Variants in SSUH2 observed in about 807,000 individuals in gnomAD.
The protein encoded by SSUH2 is protein SSUH2 homolog.
Under a neutral mutation model 55.3 loss-of-function variants are expected in SSUH2, and 47 were observed. The ratio of observed to expected loss-of-function variants is 0.85; its 90% CI spans 0.67 to 1.08. The LOEUF (loss-of-function observed/expected upper bound fraction) is 1.08, where lower values mean the gene tolerates loss of function less well. Ranked by LOEUF, SSUH2 falls within the 50% of genes least tolerant of loss-of-function variation. SSUH2 has a pLI of 0.00. For missense variants in SSUH2, 535 were observed against 490.7 expected, an observed-to-expected ratio of 1.09 and a Z score of -0.85; for synonymous variants, 212 against 191.5, an observed-to-expected ratio of 1.11 and a Z score of -0.89.
chr3:8,670,465 A>G (rs1332421930), intron 5 of SSUH2, among the ~76,000 whole-genome samples: 1 of 152,036 alleles, frequency 6.6e-6, no homozygotes, highest in Non-Finnish European at 1.5e-5. Flanking sequence ...GTGTCCACAC[A>G]TGGTGTACAC....
At chr3:8,656,862 G>T (rs201562607) in intron 7 of SSUH2, among the ~76,000 whole-genome samples, 2 of 149,936 alleles carry the variant, frequency 1.3e-5, no homozygotes, top group African/African-American at 4.9e-5. Flanking sequence ...TTCATTTTTT[G>T]GTTTGTTTGT....
At chr3:8,646,998 T>C (rs960095115), upstream of SSUH2, among the ~76,000 whole-genome samples, 6 of 152,224 alleles carry the variant, frequency 3.9e-5, no homozygotes, top group Admixed American at 6.5e-5. Flanking sequence ...ACTCTATCAA[T>C]TGATTGCTGT....
chr3:8,677,022 C>T (rs563541402), intron 3 of SSUH2, among the ~76,000 whole-genome samples: 3 of 146,048 alleles, frequency 2.1e-5, no homozygotes, highest in Non-Finnish European at 4.5e-5. Context: ...ACCTCCATCG[C>T]GGTGGGGGGA....
In SSUH2 at chr3:8,625,574, C is replaced by T; in HGVS notation, c.841G>A (p.Gly281Arg). 6.2e-7 allele frequency: 1 copy of T among 1,613,916 alleles called. No homozygotes were observed. Among genetic ancestry groups the T allele is most frequent in the African/African-American group, 1.3e-5 (1 of 75,048 alleles). The change falls in exon 10 of 12, where the codon GGA (glycine) becomes AGA (arginine). Residue 281 changes from glycine (G) to arginine (R), a missense_variant. Gly to Arg is a moderately radical substitution (Grantham distance 125, BLOSUM62 -2). Coordinates refer to ENST00000544814, the MANE Select transcript of SSUH2 (RefSeq NM_001256748.3). The stretch of plus-strand genomic sequence containing the variant: ...TTTTCATCCTTAAAGAGGTTTTCTC[C>T]TTTGGCTTTAGCAAGGAGCTCCCTG... ...CPRELLAKAK[G>R]ENLFKDENSV... is the part of the protein sequence containing the mutation.
intron 4 of SSUH2, 131 bp downstream of exon 4, chr3:8,633,535 C>T: frequency 1.6e-6 from 1 of 643,630 alleles, no homozygotes; most frequent in Non-Finnish European, 2.4e-6. Flanking sequence ...ATCACCACCG[C>T]TCACACTCAA....
In SSUH2 at chr3:8,679,012, C is replaced by G. The variant is rs181708363; in HGVS notation, c.-901+693G>C. Among the ~76,000 whole-genome samples, 562 of 111,134 alleles carry G rather than the reference C, an allele frequency of 5.1e-3. 121 individuals are homozygous for G. The East Asian group carries it at 0.064, about 13-fold the overall frequency. The allele number at this position is 111,134 out of a possible 152,430, so 72.9% of individuals were successfully genotyped here. On this transcript the variant is annotated intron_variant, in intron 2 of 18. Coordinates refer to the SSUH2 transcript ENST00000317371. Reference sequence around the variant, plus strand: ...CCGCGAGGTGGGGACTGAGAGCCAGCCCCTCTTCCCCCCCTGGCTCTTAGG... The same window carrying G: ...CCGCGAGGTGGGGACTGAGAGCCAGGCCCTCTTCCCCCCCTGGCTCTTAGG...
At chr3:8,680,684 C>T (rs1350905219) in intron 1 of SSUH2, among the ~76,000 whole-genome samples, 3 of 151,966 alleles carry the variant, frequency 2.0e-5, no homozygotes, top group African/African-American at 7.3e-5. Context: ...CACTTTCTGC[C>T]ATACATGAAG....
At chr3:8,665,412 C>G (rs1412783638) in intron 5 of SSUH2, among the ~76,000 whole-genome samples, 2 of 152,144 alleles carry the variant, frequency 1.3e-5, no homozygotes, top group Non-Finnish European at 2.9e-5. Context: ...AGTCTGTTGA[C>G]ACAGGGAGAG....
At chr3:8,626,175 G>A (rs1559300087) in intron 9 of SSUH2, 54 bp downstream of exon 9, 2 of 1,457,428 alleles carry the variant, frequency 1.4e-6, no homozygotes, top group Non-Finnish European at 1.9e-6. Context: ...CCAGTCCAGG[G>A]CTAAGTCCCT....
chr3:8,619,797 C>T lies in SSUH2; in HGVS notation c.*71G>A. The T allele has an allele frequency of 6.5e-7, 1 of 1,528,756 alleles. No individual in the cohort carries two copies. The highest frequency in any genetic ancestry group is 8.9e-7 in the Non-Finnish European group (1 of 1,123,468). 94.7% of individuals were successfully genotyped at this position (1,528,756 alleles called of 1,614,324 possible). A position where few individuals can be genotyped will look rare whatever the true frequency, so the allele number is the denominator to read the frequency against. ...ATTGTCCAATGCAGCCAACAGTGAACACACTCAGAGAGTGTCGGCCATCTT... is the reference window on the plus strand; with the variant it reads ...ATTGTCCAATGCAGCCAACAGTGAATACACTCAGAGAGTGTCGGCCATCTT... On this transcript the variant is annotated 3_prime_UTR_variant, in exon 12 of 12. Transcript: ENST00000544814.
chr3:8,623,897 C>T (rs1393963723), intron 10 of SSUH2, among the ~76,000 whole-genome samples: 19 of 152,324 alleles, frequency 1.2e-4, no homozygotes, highest in East Asian at 5.8e-4. Context: ...TGCCGGGCAC[C>T]GCGCTAGGTG....
rs544320564 is a variant in SSUH2 at position 8,679,308 on chromosome 3, C to A, written c.-901+397G>T. The stretch of plus-strand genomic sequence containing the variant: ...AGGGGGGGAGCCACCCCCCATGAGG[C>A]GGGGACTAAGAGCCAGCCCCTCTTC... On this transcript the variant is annotated intron_variant, in intron 2 of 18. Coordinates refer to the SSUH2 transcript ENST00000317371. Among the ~76,000 whole-genome samples, 3 of 70,240 alleles carry A rather than the reference C, an allele frequency of 4.3e-5. 1 individual carries two copies. The highest frequency in any genetic ancestry group is 1.2e-3 in the South Asian group (2 of 1,694). 46.1% of individuals were successfully genotyped at this position (70,240 alleles called of 152,430 possible).
chr3:8,630,989 T>C, intron 5 of SSUH2, 60 bp from the exon 6 acceptor site: 1 of 1,326,254 alleles, frequency 7.5e-7, no homozygotes, highest in Non-Finnish European at 9.7e-7. Flanking sequence ...AACTTTCATT[T>C]ATCCAGCAAA....
rs9863535 is a variant in SSUH2, at chr3:8,628,507, C to G, written c.589-724G>C. 7.3e-3 allele frequency among the ~76,000 whole-genome samples: 1,104 copies of G among 152,266 alleles called. 11 individuals are homozygous for G. The highest frequency in any genetic ancestry group is 0.025 in the African/African-American group (1,023 of 41,538). On this transcript the variant is annotated intron_variant, in intron 7 of 11. Coordinates refer to ENST00000544814, the MANE Select transcript of SSUH2 (RefSeq NM_001256748.3). Reference sequence around the variant, plus strand: ...TTCCAAGTTCAAGTTTACTGGAATCCCAGAGTGGGACCTCATTTAGAGATA... The same window carrying G: ...TTCCAAGTTCAAGTTTACTGGAATCGCAGAGTGGGACCTCATTTAGAGATA...
chr3:8,626,348 C>T (rs372723837), intron 8 of SSUH2, 27 bp from the exon 9 acceptor site: 3 of 1,596,512 alleles, frequency 1.9e-6, no homozygotes, highest in East Asian at 4.5e-5. Flanking sequence ...GTCCGTACCC[C>T]CAGATCAGTT....
intron 6 of SSUH2, among the ~76,000 whole-genome samples, chr3:8,660,133 G>A (rs555982852): frequency 6.6e-6 from 1 of 152,324 alleles, no homozygotes; most frequent in Admixed American, 6.5e-5. Context: ...ATTCCTAACA[G>A]GCAGGGTTGG....
intron 1 of SSUH2, among the ~76,000 whole-genome samples, chr3:8,637,345 G>A (rs575650306): frequency 2.0e-5 from 3 of 152,332 alleles, no homozygotes; most frequent in South Asian, 4.1e-4. Flanking sequence ...CCTGTCGGGT[G>A]TGACATAGAT....
At chr3:8,622,841 CTT>C (rs1696717500) in intron 11 of SSUH2, among the ~76,000 whole-genome samples, 1 of 152,148 alleles carries the variant, frequency 6.6e-6, no homozygotes, top group African/African-American at 2.4e-5. Flanking sequence ...GCTTTAGTGT[CTT>C]TTTTCGCAGG....
intron 4 of SSUH2, among the ~76,000 whole-genome samples, chr3:8,671,536 G>A (rs1377823760): frequency 6.6e-6 from 1 of 152,038 alleles, no homozygotes; most frequent in Admixed American, 6.5e-5. Flanking sequence ...CCCCTTAGGA[G>A]AATAAGACCA....
Sources: gnomAD v4.1 joint callset for allele counts (sites outside exome capture counted in the v4.1 genomes callset) on GRCh38, gnomAD v4.1.1 for gene constraint, MANE v1.5 for transcripts, NCBI Gene and HGNC (gene_info 2026-07-23, HGNC 2026-07-21) for gene names.